RUFY3: variants seen among roughly 807,000 people sequenced by gnomAD.
The protein encoded by RUFY3 is RUN and FYVE domain containing 3, also known as protein RUFY3.
Under a neutral mutation model 84.0 loss-of-function variants are expected in RUFY3, and 34 were observed. The ratio of observed to expected loss-of-function variants is 0.40; its 90% CI spans 0.31 to 0.54. RUFY3 has a LOEUF of 0.54. Among genes scored for constraint, RUFY3 ranks in the 20% least tolerant of loss-of-function variants. The pLI, the probability that RUFY3 is intolerant of heterozygous loss-of-function variation, is 0.39. For synonymous variants in RUFY3, 242 were observed against 252.9 expected, an observed-to-expected ratio of 0.96 and a Z score of 0.41; for missense variants, 507 against 736.8, an observed-to-expected ratio of 0.69 and a Z score of 3.61.
At chr4:70,766,492 G>A (rs1415315284) in intron 4 of RUFY3, among the ~76,000 whole-genome samples, 1 of 151,930 alleles carries the variant, frequency 6.6e-6, no homozygotes, top group Non-Finnish European at 1.5e-5. Context: ...TGATCCACCT[G>A]CCTCAGCCTC....
At chr4:70,795,759 T>C (rs1426474166) in intron 14 of RUFY3, among the ~76,000 whole-genome samples, 1 of 152,202 alleles carries the variant, frequency 6.6e-6, no homozygotes, top group Non-Finnish European at 1.5e-5. Context: ...AGGAATTTAA[T>C]CATATCAATA....
At chr4:70,785,120 C>T (rs1729567836) in intron 10 of RUFY3, among the ~76,000 whole-genome samples, 1 of 152,060 alleles carries the variant, frequency 6.6e-6, no homozygotes, top group Non-Finnish European at 1.5e-5. Context: ...GTTTGTATTA[C>T]AAGAATATTA....
Position 70,808,129 on chromosome 4 carries a change from G to C in RUFY3, c.*1470G>C, listed in dbSNP as rs968541210. On this transcript the variant is annotated 3_prime_UTR_variant, in exon 18 of 18. Transcript: ENST00000381006. ...TACCTACACATCACTTCATTTGCAT[G>C]GATTCAACATAGTGCTTGGTGTTCA... is the stretch of plus-strand genomic sequence containing the variant. Among the ~76,000 whole-genome samples, 1 of 152,120 alleles carries C rather than the reference G, an allele frequency of 6.6e-6. No homozygotes were observed. The highest frequency in any genetic ancestry group is 6.5e-5 in the Admixed American group (1 of 15,268).
chr4:70,723,869 T>G (rs28560361), intron 1 of RUFY3, among the ~76,000 whole-genome samples: 15,033 of 152,238 alleles, frequency 0.099, 1,593 homozygotes, highest in African/African-American at 0.27. Context: ...CTCAGAATTT[T>G]CCCATTGTGT....
In RUFY3 at chr4:70,789,537, C is replaced by G; in HGVS notation, c.1282C>G (p.Arg428Gly). The change falls in exon 12 of 18, where the codon CGC becomes GGC. Residue 428 changes from arginine to glycine, a missense_variant. By Grantham distance (125) the Arg-to-Gly change is moderately radical (BLOSUM62 -2). Around this residue, in one of 4 missense-constraint regions of RUFY3, gnomAD observed 334 missense variants for 364.1 expected, o/e 0.92. Transcript: ENST00000381006. ...AAAACAGAAAAGTGAACTAAACAGTCGCTTGGAAGAGAAGACTAATCAGAT... is the reference window on the plus strand; with the variant it reads ...AAAACAGAAAAGTGAACTAAACAGTGGCTTGGAAGAGAAGACTAATCAGAT... ...GVKQKSELNS[R>G]LEEKTNQMAA... 1 of 1,612,762 alleles carries G rather than the reference C, an allele frequency of 6.2e-7. No homozygotes were observed.
chr4:70,803,085 TAC>T, intron 16 of RUFY3, 102 bp downstream of exon 16: 1 of 798,252 alleles, frequency 1.3e-6, no homozygotes. Context: ...GATGAGTGAA[TAC>T]AGTGTGCCAT....
rs1404622264 is a variant in RUFY3 at position 70,785,177 on chromosome 4, T to C, written c.1071+298T>C. The stretch of plus-strand genomic sequence containing the variant: ...TAAACTATGCCGTCTCACTCCTACC[T>C]AAGTCCTCATCCCTGCAAAGATTCT... On this transcript the variant is annotated intron_variant, in intron 10 of 17. Coordinates refer to ENST00000381006, the MANE Select transcript of RUFY3 (RefSeq NM_001037442.4). Among the ~76,000 whole-genome samples, 12 of 152,292 alleles carry C rather than the reference T, an allele frequency of 7.9e-5. No homozygotes were observed. The South Asian group carries it at 2.5e-3, about 32-fold the overall frequency.
exon 1 of RUFY3, chr4:70,705,150 G>T: frequency 6.9e-7 from 1 of 1,457,060 alleles, no homozygotes; most frequent in Non-Finnish European, 9.0e-7. Flanking sequence ...GTACCCCGGC[G>T]ATGGAGGCGC....
At chr4:70,726,999 T>G (rs897901344) in intron 1 of RUFY3, among the ~76,000 whole-genome samples, 2 of 152,072 alleles carry the variant, frequency 1.3e-5, no homozygotes, top group African/African-American at 4.8e-5. Context: ...TTTGTTTGTT[T>G]GTTTGTTTTA....
At chr4:70,718,638 T>G (rs1741915433), upstream of RUFY3, among the ~76,000 whole-genome samples, 1 of 152,232 alleles carries the variant, frequency 6.6e-6, no homozygotes, top group African/African-American at 2.4e-5. Flanking sequence ...AATATCTTAC[T>G]GATGGCTTAA....
chr4:70,722,830 G>A, intron 1 of RUFY3, 79 bp downstream of exon 1: 6 of 1,408,384 alleles, frequency 4.3e-6, no homozygotes, highest in Non-Finnish European at 5.9e-6. Context: ...TCAGGGAGAG[G>A]TAGAAAGAAC....
chr4:70,797,479 C>T (rs1198988952), intron 14 of RUFY3, among the ~76,000 whole-genome samples: 1 of 152,068 alleles, frequency 6.6e-6, no homozygotes, highest in Non-Finnish European at 1.5e-5. Flanking sequence ...TGCTAATTTA[C>T]TGGCAAATAG....
At chr4:70,789,633 A>T in intron 12 of RUFY3, 41 bp downstream of exon 12, 1 of 1,594,552 alleles carries the variant, frequency 6.3e-7, no homozygotes, top group Non-Finnish European at 8.5e-7. Flanking sequence ...TTGGATTGTC[A>T]GTGCTGAAGT....
At chr4:70,717,707 A>G (rs555494378), upstream of RUFY3, among the ~76,000 whole-genome samples, 1 of 151,846 alleles carries the variant, frequency 6.6e-6, no homozygotes, top group Non-Finnish European at 1.5e-5. Context: ...TAGAAGGAAC[A>G]TGGACTTTGG....
intron 9 of RUFY3, among the ~76,000 whole-genome samples, 158 bp from the exon 10 acceptor site, chr4:70,784,638 C>T (rs932846456): frequency 4.6e-5 from 7 of 152,158 alleles, no homozygotes; most frequent in Non-Finnish European, 1.0e-4. Context: ...TTCAGCTTAA[C>T]CTTTAAAAAT....
At position 70,807,875 on chromosome 4, in the gene RUFY3, T is replaced by C. The variant is rs1221076004; in HGVS notation, c.*1216T>C. Among the ~76,000 whole-genome samples the C allele has an allele frequency of 1.3e-5, 2 of 152,094 alleles. No homozygotes were observed. Among genetic ancestry groups the C allele is most frequent in the Non-Finnish European group, 2.9e-5 (2 of 68,020 alleles). ...GTTTTTTGAATAAGGAATTCCTTATTCTGAGTGAGTCACGAATGAGAGCTG... is the reference window on the plus strand; with the variant it reads ...GTTTTTTGAATAAGGAATTCCTTATCCTGAGTGAGTCACGAATGAGAGCTG... On this transcript the variant is annotated 3_prime_UTR_variant, in exon 18 of 18. Coordinates refer to ENST00000381006, the MANE Select transcript of RUFY3 (RefSeq NM_001037442.4).
chr4:70,752,071 G>A (rs1318895820), intron 1 of RUFY3, among the ~76,000 whole-genome samples: 2 of 152,116 alleles, frequency 1.3e-5, no homozygotes, highest in Non-Finnish European at 1.5e-5. Flanking sequence ...GTGAGATACC[G>A]CGCCCAGCCT....
intron 1 of RUFY3, among the ~76,000 whole-genome samples, chr4:70,728,573 T>G (rs1718693622): frequency 6.6e-6 from 1 of 152,244 alleles, no homozygotes; most frequent in East Asian, 1.9e-4. Flanking sequence ...AATGTTATTT[T>G]GCATATACTG....
chr4:70,722,129 G>T lies in RUFY3; in HGVS notation c.-445G>T. On this transcript the variant is annotated 5_prime_UTR_variant, in exon 1 of 18. Coordinates refer to ENST00000381006, the MANE Select transcript of RUFY3 (RefSeq NM_001037442.4). ...AAATATAGGTTTATTTTTTGTTCAG[G>T]TTTTTCTTTTATATTTTTTTTCTGC... 8.1e-7 allele frequency: 1 copy of T among 1,231,410 alleles called. No individual in the cohort carries two copies. Among genetic ancestry groups the T allele is most frequent in the East Asian group, 3.2e-5 (1 of 31,690 alleles). 76.3% of individuals were successfully genotyped at this position (1,231,410 alleles called of 1,614,324 possible).
Sources: allele counts gnomAD v4.1 joint callset (sites outside exome capture counted in the v4.1 genomes callset), GRCh38; gene constraint gnomAD v4.1.1; regional missense constraint gnomAD v4.1.1; transcripts MANE v1.5; gene names NCBI Gene and HGNC (gene_info 2026-07-23, HGNC 2026-07-21).